CACUL1: variants seen among roughly 807,000 people sequenced by gnomAD.
The protein encoded by CACUL1 is CDK2-associated and cullin domain-containing protein 1.
Under a neutral mutation model 45.2 loss-of-function variants are expected in CACUL1, and 13 were observed. That is an observed-to-expected ratio of 0.29 (90% CI 0.19 to 0.46). The LOEUF (loss-of-function observed/expected upper bound fraction) is 0.46. CACUL1 is among the 20% of genes least tolerant of loss of function. The pLI, the probability that CACUL1 is intolerant of heterozygous loss-of-function variation, is 1.00. For missense variants in CACUL1, 421 were observed against 471.4 expected (o/e 0.89, Z 0.99); for synonymous variants, 197 against 174.2 (o/e 1.13, Z -1.03).
chr10:118,721,865 A>G (rs754217124), intron 3 of CACUL1, among the ~76,000 whole-genome samples: 2 of 152,252 alleles, frequency 1.3e-5, no homozygotes, highest in African/African-American at 2.4e-5. Flanking sequence ...TATCAACATT[A>G]CTTGGGGAGA....
intron 1 of CACUL1, among the ~76,000 whole-genome samples, chr10:118,739,143 C>G (rs2119662064): frequency 6.6e-6 from 1 of 151,622 alleles, no homozygotes; most frequent in Non-Finnish European, 1.5e-5. Flanking sequence ...TTGCAGTGAG[C>G]CGAGATCATG....
chr10:118,691,065 C>G (rs529378981), intron 7 of CACUL1, among the ~76,000 whole-genome samples, 200 bp downstream of exon 7: 1 of 152,062 alleles, frequency 6.6e-6, no homozygotes, highest in Non-Finnish European at 1.5e-5. Flanking sequence ...ACAAAACGTA[C>G]GTAATGAAGA....
At chr10:118,708,726 G>GT (rs149552895) in intron 3 of CACUL1, among the ~76,000 whole-genome samples, 2,211 of 152,200 alleles carry the variant, frequency 0.015, 51 homozygotes, top group African/African-American at 0.05. Context: ...GAACGCTCAG[G>GT]TTCTCGCTCC....
At chr10:118,713,864 C>T (rs1439436241) in intron 3 of CACUL1, among the ~76,000 whole-genome samples, 1 of 152,178 alleles carries the variant, frequency 6.6e-6, no homozygotes, top group Non-Finnish European at 1.5e-5. Context: ...CTTTTGGTCT[C>T]TGGAAACCTT....
At chr10:118,723,928 G>A (rs116808847) in intron 3 of CACUL1, among the ~76,000 whole-genome samples, 2,911 of 151,950 alleles carry the variant, frequency 0.019, 90 homozygotes, top group African/African-American at 0.064. Context: ...CCACACCCAG[G>A]TAATTTTTTT....
At chr10:118,742,193 AC>A (rs1210729962) in intron 1 of CACUL1, among the ~76,000 whole-genome samples, 1 of 152,248 alleles carries the variant, frequency 6.6e-6, no homozygotes, top group African/African-American at 2.4e-5. Context: ...GAATCAGCAT[AC>A]CTGCAACTAC....
chr10:118,687,811 T>G (rs1450433300), intron 7 of CACUL1, among the ~76,000 whole-genome samples: 1 of 152,134 alleles, frequency 6.6e-6, no homozygotes, highest in African/African-American at 2.4e-5. Flanking sequence ...CTCATAGGAC[T>G]TACTACTCAA....
intron 4 of CACUL1, among the ~76,000 whole-genome samples, chr10:118,704,342 ATCTG>A (rs1469984901): frequency 3.3e-5 from 5 of 152,172 alleles, no homozygotes; most frequent in Admixed American, 6.5e-5. Flanking sequence ...TGTTCCCTTG[ATCTG>A]TCTATCCCTG....
chr10:118,693,358 G>A (rs1845290281), intron 6 of CACUL1: 1 of 159,898 alleles, frequency 6.3e-6, no homozygotes, highest in African/African-American at 2.4e-5. Context: ...GGCAAAACAT[G>A]TAAATGTCAA....
Position 118,683,280 on chromosome 10 carries a change from G to A in CACUL1, c.*2848C>T, listed in dbSNP as rs1845171663. ...CAGCCATTGACTAACCAGACAACCA[G>A]CCTGCATGTACGGTTTTGTATCTTC... is the stretch of plus-strand genomic sequence containing the variant. On this transcript the variant is annotated 3_prime_UTR_variant, in exon 9 of 9. Transcript: ENST00000369151. The A allele has an allele frequency of 6.6e-6, 1 of 151,328 alleles. No homozygotes were observed. Among genetic ancestry groups the A allele is most frequent in the Non-Finnish European group, 1.5e-5 (1 of 67,986 alleles). The allele number at this position is 151,328 out of a possible 1,614,324, so 9.4% of individuals were successfully genotyped here.
chr10:118,730,772 G>A (rs551418069), intron 1 of CACUL1, among the ~76,000 whole-genome samples: 2 of 152,274 alleles, frequency 1.3e-5, no homozygotes, highest in South Asian at 4.1e-4. Context: ...GTGACAAAAT[G>A]GCCTATCAAT....
intron 1 of CACUL1, among the ~76,000 whole-genome samples, chr10:118,742,600 G>T (rs547774620): frequency 6.6e-6 from 1 of 152,164 alleles, no homozygotes; most frequent in Non-Finnish European, 1.5e-5. Context: ...GGCCAGTTTG[G>T]TGGAGTATGA....
At position 118,677,551 on chromosome 10, in the gene CACUL1, C is replaced by G. The variant is rs148023896; in HGVS notation, c.*8577G>C. The G allele has an allele frequency of 1.6e-3, 247 of 152,250 alleles. No individual in the cohort carries two copies. Among genetic ancestry groups the G allele is most frequent in the African/African-American group, 5.5e-3 (227 of 41,552 alleles). 9.4% of individuals were successfully genotyped at this position (152,250 alleles called of 1,614,324 possible). Reference sequence around the variant, plus strand: ...GTTAATAACTGTCTTTCCTTTATAGCTTTACTACTTGTGTCTGAGTCCCTA... The same window carrying G: ...GTTAATAACTGTCTTTCCTTTATAGGTTTACTACTTGTGTCTGAGTCCCTA... On this transcript the variant is annotated 3_prime_UTR_variant, in exon 9 of 9. Coordinates refer to ENST00000369151, the MANE Select transcript of CACUL1 (RefSeq NM_153810.5).
Position 118,695,222 on chromosome 10 carries a change from A to G in CACUL1, c.805T>C (p.Leu269=). 1 of 1,590,846 alleles carries G rather than the reference A, an allele frequency of 6.3e-7. No individual in the cohort carries two copies. The highest frequency in any genetic ancestry group is 8.6e-7 in the Non-Finnish European group (1 of 1,158,962). The change falls in exon 6 of 9, where the codon TTA becomes CTA. Residue 269 remains leucine, a synonymous_variant. Transcript: ENST00000369151. ...TGAAATGGTGTTGACTGGGCTTCTA[A>G]AAGTAAAGCTGAAATAAGAAAACAG... ...KHIYSLMPLL[L]EAQSTPFQVT... is the part of the protein sequence containing the mutation.
chr10:118,691,475 T>G (rs1845265645), intron 6 of CACUL1, 72 bp from the exon 7 acceptor site: 2 of 1,423,816 alleles, frequency 1.4e-6, no homozygotes, highest in East Asian at 4.6e-5. Flanking sequence ...AGGGAAAGTT[T>G]TCTTTTAAAA....
At chr10:118,751,088 A>G (rs1845893799) in intron 1 of CACUL1, among the ~76,000 whole-genome samples, 1 of 152,140 alleles carries the variant, frequency 6.6e-6, no homozygotes, top group Non-Finnish European at 1.5e-5. Flanking sequence ...TCTATAAGCT[A>G]CTTATTAATA....
At position 118,730,283 on chromosome 10, in the gene CACUL1, C is replaced by T; in HGVS notation, c.494+1G>A. On this transcript the variant is annotated splice_donor_variant, in intron 2 of 8. Coordinates refer to ENST00000369151, the MANE Select transcript of CACUL1 (RefSeq NM_153810.5). LOFTEE classifies it high-confidence loss of function. ...CCCAAGCAAATTAAATCTTAACTTA[C>T]CTGTATATCTGTTCATAGGATATGG... is the stretch of plus-strand genomic sequence containing the variant. 1 of 1,613,692 alleles carries T rather than the reference C, an allele frequency of 6.2e-7. No individual in the cohort carries two copies. The highest frequency in any genetic ancestry group is 8.5e-7 in the Non-Finnish European group (1 of 1,179,702).
chr10:118,745,272 A>G (rs1845830219), intron 1 of CACUL1, among the ~76,000 whole-genome samples: 1 of 152,132 alleles, frequency 6.6e-6, no homozygotes, highest in African/African-American at 2.4e-5. Flanking sequence ...GAAGACAGGA[A>G]AAGGGTTGGG....
chr10:118,684,420 A>C lies in CACUL1; in HGVS notation c.*1708T>G, dbSNP rs1455179410. On this transcript the variant is annotated 3_prime_UTR_variant, in exon 9 of 9. Transcript: ENST00000369151. The stretch of plus-strand genomic sequence containing the variant: ...ATACTAGAATGTTACCAGTGTAGCA[A>C]CTTAAACTGTCCAGGTCATAGTGAG... 6.6e-6 allele frequency: 1 copy of C among 152,238 alleles called. No homozygotes were observed. Among genetic ancestry groups the C allele is most frequent in the Non-Finnish European group, 1.5e-5 (1 of 68,032 alleles). The allele number at this position is 152,238 out of a possible 1,614,324, so 9.4% of individuals were successfully genotyped here.
Sources: allele counts gnomAD v4.1 joint callset (sites outside exome capture counted in the v4.1 genomes callset), GRCh38; gene constraint gnomAD v4.1.1; transcripts MANE v1.5; gene names NCBI Gene and HGNC (gene_info 2026-07-23, HGNC 2026-07-21).